The following NLGN4Y variants were observed in gnomAD, a reference collection of about 807,000 sequenced individuals.
NLGN4Y encodes neuroligin 4 Y-linked, also known as neuroligin-4, Y-linked.
NLGN4Y carries 4 observed loss-of-function variants against 8.4 expected under a neutral mutation model. The ratio of observed to expected loss-of-function variants is 0.48; its 90% confidence interval spans 0.23 to 1.09. The LOEUF (loss-of-function observed/expected upper bound fraction) is 1.09, where lower values mean the gene tolerates loss of function less well. Ranked by LOEUF, NLGN4Y falls within the 50% of genes least tolerant of loss-of-function variation. NLGN4Y has a pLI of 0.19. For synonymous variants in NLGN4Y, 35 were observed against 75.6 expected (o/e 0.46, Z 2.78); for missense variants, 90 against 192.3 (o/e 0.47, Z 3.15).
intron 2 of NLGN4Y, among the ~76,000 whole-genome samples, chrY:14,655,789 T>G: frequency 3.0e-5 from 1 of 33,126 alleles, no homozygotes; most frequent in East Asian, 7.9e-4. Flanking sequence ...TTCTTGGGAG[T>G]TTTTTGTTGT....
chrY:14,841,136 G>T lies in NLGN4Y; in HGVS notation c.2385G>T (p.Thr795=), dbSNP rs777299730. ...CGCCGGATGACATCCCATTTATGAC[G>T]CCAAACACCATCACCATGATTCCAA... is the stretch of plus-strand genomic sequence containing the variant. ...RRSPDDIPFM[T]PNTITMIPNT... The change falls in exon 7 of 7, where the codon ACG becomes ACT. Residue 795 remains threonine (T), a synonymous_variant. Transcript: ENST00000684976. The T allele has an allele frequency of 1.3e-5, 5 of 396,406 alleles. No homozygotes were observed. Among genetic ancestry groups the T allele is most frequent in the African/African-American group, 6.5e-5 (1 of 15,410 alleles).
intron 4 of NLGN4Y, among the ~76,000 whole-genome samples, chrY:14,787,206 T>C: frequency 3.2e-5 from 1 of 31,636 alleles, no homozygotes; most frequent in Non-Finnish European, 7.6e-5. Context: ...ATTATCTTTT[T>C]TTTAAGAGAC....
chrY:14,843,755 A>C lies in NLGN4Y; in HGVS notation c.*2493A>C. The C allele has an allele frequency of 8.2e-6, 1 of 121,287 alleles. No homozygotes were observed. Among genetic ancestry groups the C allele is most frequent in the Non-Finnish European group, 1.8e-5 (1 of 56,128 alleles). The allele number at this position is 121,287 out of a possible 400,897, so 30.3% of individuals were successfully genotyped here. On this transcript the variant is annotated 3_prime_UTR_variant, in exon 7 of 7. Transcript: ENST00000684976. ...AAACGAGAAAAAAGAAAAAAATGAGAAACAAGTAAGAAAAAATCCTTTCCT... is the reference window on the plus strand; with the variant it reads ...AAACGAGAAAAAAGAAAAAAATGAGCAACAAGTAAGAAAAAATCCTTTCCT...
chrY:14,595,013 G>A (rs905132613), intron 1 of NLGN4Y, among the ~76,000 whole-genome samples: 2 of 33,254 alleles, frequency 6.0e-5, no homozygotes, highest in Non-Finnish European at 1.5e-4. Context: ...AGCTAAAGCC[G>A]CATTCTTTTC....
chrY:14,744,691 T>C, intron 4 of NLGN4Y, among the ~76,000 whole-genome samples: 1 of 34,120 alleles, frequency 2.9e-5, no homozygotes, highest in Non-Finnish European at 7.3e-5. Flanking sequence ...GGGTTCATTT[T>C]TGGTTTAGCT....
At chrY:14,811,790 A>G (rs755940578) in intron 4 of NLGN4Y, among the ~76,000 whole-genome samples, 511 of 33,646 alleles carry the variant, frequency 0.015, no homozygotes, top group Non-Finnish European at 0.027. Context: ...TATAATAAAA[A>G]GTGGAAACTT....
rs753757925 is a variant in NLGN4Y, at chrY:14,606,097, G to C, written c.-111-15912G>C. ...TGTCTTCTCTAGAAATGAAAGAAGA[G>C]GGAAGCCAGAGATGTCTGTAGCTTG... On this transcript the variant is annotated intron_variant, in intron 1 of 6. Coordinates refer to ENST00000684976, the MANE Select transcript of NLGN4Y (RefSeq NM_001365588.1). 1.8e-4 allele frequency among the ~76,000 whole-genome samples: 6 copies of C among 33,566 alleles called. No homozygotes were observed. In the South Asian group the frequency reaches 2.7e-3, roughly 15 times the overall value. 90.1% of individuals were successfully genotyped at this position (33,566 alleles called of 37,273 possible). A position where few individuals can be genotyped will look rare whatever the true frequency, so the allele number is the denominator to read the frequency against.
intron 2 of NLGN4Y, among the ~76,000 whole-genome samples, chrY:14,657,865 T>C: frequency 2.9e-5 from 1 of 33,922 alleles, no homozygotes; most frequent in East Asian, 7.8e-4. Context: ...TGAAATCTAA[T>C]ATGATGTTGT....
intron 1 of NLGN4Y, among the ~76,000 whole-genome samples, chrY:14,580,877 G>GAAAA (rs748606939): frequency 3.2e-4 from 1 of 3,101 alleles, no homozygotes; most frequent in African/African-American, 2.3e-3. Context: ...CATCTGTATG[G>GAAAA]AAAAAAAAAA....
intron 2 of NLGN4Y, among the ~76,000 whole-genome samples, chrY:14,653,859 A>G: frequency 3.0e-5 from 1 of 33,818 alleles, no homozygotes; most frequent in African/African-American, 1.2e-4. Flanking sequence ...CAACTTTTGT[A>G]TTTTTAGTAG....
chrY:14,720,890 T>G, intron 3 of NLGN4Y, among the ~76,000 whole-genome samples: 1 of 33,318 alleles, frequency 3.0e-5, no homozygotes, highest in Non-Finnish European at 7.4e-5. Context: ...GGCTTCTAAA[T>G]GCCTCACATT....
chrY:14,580,315 C>T, intron 1 of NLGN4Y, among the ~76,000 whole-genome samples: 4 of 19,248 alleles, frequency 2.1e-4, no homozygotes, highest in Admixed American at 5.6e-4. Flanking sequence ...TAGTTTTATA[C>T]TACTTACATA....
chrY:14,797,954 C>T (rs1037005418), intron 4 of NLGN4Y, among the ~76,000 whole-genome samples: 3 of 33,750 alleles, frequency 8.9e-5, no homozygotes, highest in Admixed American at 2.7e-4. Flanking sequence ...CATATTCTTT[C>T]ATAGGTGTTT....
intron 4 of NLGN4Y, among the ~76,000 whole-genome samples, chrY:14,757,657 G>A: frequency 2.9e-5 from 1 of 34,037 alleles, no homozygotes; most frequent in Non-Finnish European, 7.3e-5. Context: ...GCTTACTGTA[G>A]CTTTGATCTT....
chrY:14,674,815 T>C (rs2080742697), intron 2 of NLGN4Y, among the ~76,000 whole-genome samples: 2 of 33,615 alleles, frequency 5.9e-5, no homozygotes, highest in African/African-American at 2.3e-4. Context: ...AGAAGTAGTA[T>C]TGAAAACACA....
chrY:14,743,443 G>A (rs2081013571), intron 4 of NLGN4Y, among the ~76,000 whole-genome samples: 1 of 29,786 alleles, frequency 3.4e-5, no homozygotes, highest in African/African-American at 1.3e-4. Flanking sequence ...AGTGAGATGA[G>A]ATCATCCCAC....
chrY:14,656,094 T>A, intron 2 of NLGN4Y, among the ~76,000 whole-genome samples: 1 of 33,206 alleles, frequency 3.0e-5, no homozygotes, highest in East Asian at 7.9e-4. Context: ...AACCTTGGAG[T>A]TTGTTCCAGT....
chrY:14,638,514 G>A (rs769051230), intron 2 of NLGN4Y, among the ~76,000 whole-genome samples: 12 of 33,625 alleles, frequency 3.6e-4, no homozygotes, highest in Admixed American at 3.3e-3. Context: ...ATTAAAGTTC[G>A]AAGGTTGGAA....
At chrY:14,747,765 C>T in intron 4 of NLGN4Y, among the ~76,000 whole-genome samples, 1 of 33,745 alleles carries the variant, frequency 3.0e-5, no homozygotes, top group Non-Finnish European at 7.4e-5. Context: ...GGATCATCCT[C>T]CTTCATCCTA....
Sources: allele counts gnomAD v4.1 joint callset (sites outside exome capture counted in the v4.1 genomes callset), GRCh38; gene constraint gnomAD v4.1.1; transcripts MANE v1.5; gene names NCBI Gene and HGNC (gene_info 2026-07-23, HGNC 2026-07-21).